The following ERICH6 variants were observed in gnomAD, a reference collection of about 807,000 sequenced individuals.
ERICH6 encodes the protein glutamate rich 6.
ERICH6 carries 71 observed loss-of-function variants against 71.0 expected under a neutral mutation model. The observed-to-expected ratio is 1.00, with a 90% CI of 0.83 to 1.22. The LOEUF is 1.22. Ranked by LOEUF, ERICH6 falls within the 50% of genes most tolerant of loss-of-function variation. The probability of loss-of-function intolerance (pLI) is 0.00; values close to 1 mark genes in which losing one functional copy is unlikely to be tolerated. For synonymous variants in ERICH6, 262 were observed against 278.4 expected, an observed-to-expected ratio of 0.94 and a Z score of 0.59; for missense variants, 808 against 797.2, an observed-to-expected ratio of 1.01 and a Z score of -0.16.
intron 11 of ERICH6, among the ~76,000 whole-genome samples, chr3:150,670,932 G>A (rs1453915309): frequency 3.3e-5 from 5 of 152,118 alleles, no homozygotes; most frequent in African/African-American, 9.7e-5. Flanking sequence ...TAAAGTCAGG[G>A]CATGAAATGA....
intron 3 of ERICH6, among the ~76,000 whole-genome samples, chr3:150,694,173 A>T (rs1301280724): frequency 6.6e-6 from 1 of 152,184 alleles, no homozygotes; most frequent in Non-Finnish European, 1.5e-5. Context: ...CATTTTAGCC[A>T]TGAAAGATCA....
chr3:150,678,424 C>G lies in ERICH6; in HGVS notation c.1242G>C (p.Arg414=), dbSNP rs774827535. The G allele has an allele frequency of 1.9e-6, 3 of 1,575,028 alleles. No individual in the cohort carries two copies. The highest frequency in any genetic ancestry group is 2.6e-6 in the Non-Finnish European group (3 of 1,167,792). Residue 414 remains arginine (R), a synonymous_variant, in exon 10 of 14, where the codon CGG becomes CGC. Coordinates refer to ENST00000295910, the MANE Select transcript of ERICH6 (RefSeq NM_152394.5). ...SNMSIICCDS[R]IACGKVVRNE... ...AGTTCATTACCTTTCCACATGCTAT[C>G]CGAGAATCACAACAAATGATAGACA...
At chr3:150,677,684 A>C (rs1048282845) in intron 10 of ERICH6, among the ~76,000 whole-genome samples, 4 of 151,952 alleles carry the variant, frequency 2.6e-5, no homozygotes, top group Non-Finnish European at 1.5e-5. Context: ...TTTTGTAGAG[A>C]TGGGGTTTTG....
chr3:150,669,273 G>A (rs768165507), intron 12 of ERICH6, 23 bp downstream of exon 12: 193 of 1,554,962 alleles, frequency 1.2e-4, no homozygotes, highest in Non-Finnish European at 1.5e-4. Flanking sequence ...CAAAATGGCA[G>A]CAGCAGGAAC....
chr3:150,679,035 C>CAA (rs1160094551), intron 9 of ERICH6, among the ~76,000 whole-genome samples: 7,102 of 63,804 alleles, frequency 0.11, 539 homozygotes, highest in African/African-American at 0.18. Context: ...GACTCTGTCT[C>CAA]AAAAAAAAAA....
chr3:150,680,543 A>G lies in ERICH6; in HGVS notation c.1041-5T>C. ...GCCATTCGTTGCTCCTGTTTCCTAC[A>G]AAATCAGAAAACATCAGGCATAAAT... is the stretch of plus-strand genomic sequence containing the variant. On this transcript the variant is annotated splice_region_variant and splice_polypyrimidine_tract_variant and intron_variant, in intron 8 of 13. Transcript: ENST00000295910. The G allele has an allele frequency of 1.2e-6, 2 of 1,614,164 alleles. No individual in the cohort carries two copies. The highest frequency in any genetic ancestry group is 1.7e-6 in the Non-Finnish European group (2 of 1,179,998).
intron 9 of ERICH6, 29 bp downstream of exon 9, chr3:150,680,439 G>A: frequency 6.3e-7 from 1 of 1,591,856 alleles, no homozygotes; most frequent in Non-Finnish European, 8.6e-7. Context: ...TGTACAGCTG[G>A]TCTATAAGAT....
chr3:150,668,531 A>G (rs1299613116), intron 12 of ERICH6, among the ~76,000 whole-genome samples: 1 of 152,192 alleles, frequency 6.6e-6, no homozygotes, highest in Non-Finnish European at 1.5e-5. Flanking sequence ...ACATGGTGGT[A>G]ATGAATTGAC....
rs755682421 is a variant in ERICH6, at chr3:150,673,971, C to A, written c.1328G>T (p.Gly443Val). 2 of 1,613,818 alleles carry A rather than the reference C, an allele frequency of 1.2e-6. No individual in the cohort carries two copies. Among genetic ancestry groups the A allele is most frequent in the South Asian group, 1.1e-5 (1 of 91,068 alleles). Residue 443 changes from glycine (G) to valine (V), a missense_variant, in exon 11 of 14, where the codon GGG becomes GTG. Coordinates refer to ENST00000295910, the MANE Select transcript of ERICH6 (RefSeq NM_152394.5). ...GSKFLTSFPD[G>V]TTQIFYPSGN... ...AAGAGGATACAATATTTGTGTTGTC[C>A]CATCTGGAAATGAAGTCAGAAACTT...
rs1402796586 is a variant in ERICH6, at chr3:150,673,831, T to C, written c.1343+125A>G. On this transcript the variant is annotated intron_variant, in intron 11 of 13. Transcript: ENST00000295910. ...TCTGAGCTCAAGTGATCTGCCCACC[T>C]CAGCCTCCCAAAGTGCTGGCATTAC... is the stretch of plus-strand genomic sequence containing the variant. 7 of 799,338 alleles carry C rather than the reference T, an allele frequency of 8.8e-6. No individual in the cohort carries two copies. The South Asian group carries it at 1.0e-4, about 12-fold the overall frequency. 49.5% of individuals were successfully genotyped at this position (799,338 alleles called of 1,614,324 possible). A position where few individuals can be genotyped will look rare whatever the true frequency, so the allele number is the denominator to read the frequency against.
In ERICH6 at chr3:150,660,163, G is replaced by C. The variant is rs759035786; in HGVS notation, c.1729-8C>G. ...CTCCTCAGGGTTTGGTAGCTTTTCA[G>C]CAAAGAGAAAGAGAAGGAAACTCAG... is the stretch of plus-strand genomic sequence containing the variant. On this transcript the variant is annotated splice_polypyrimidine_tract_variant and splice_region_variant and intron_variant, in intron 13 of 13. Coordinates refer to ENST00000295910, the MANE Select transcript of ERICH6 (RefSeq NM_152394.5). 2 of 1,607,732 alleles carry C rather than the reference G, an allele frequency of 1.2e-6. No individual in the cohort carries two copies. Among genetic ancestry groups the C allele is most frequent in the African/African-American group, 1.3e-5 (1 of 74,510 alleles).
chr3:150,692,768 A>C (rs1265738977), intron 3 of ERICH6, among the ~76,000 whole-genome samples: 1 of 152,162 alleles, frequency 6.6e-6, no homozygotes, highest in Non-Finnish European at 1.5e-5. Context: ...TGGCTGCCCT[A>C]AAACTTTTTG....
At chr3:150,686,905 T>A (rs1190159712) in intron 3 of ERICH6, among the ~76,000 whole-genome samples, 1 of 152,220 alleles carries the variant, frequency 6.6e-6, no homozygotes, top group Non-Finnish European at 1.5e-5. Context: ...GTGCAGTGGC[T>A]CACACCTGTA....
chr3:150,693,587 C>T (rs1712535054), intron 3 of ERICH6, among the ~76,000 whole-genome samples: 1 of 152,038 alleles, frequency 6.6e-6, no homozygotes, highest in Non-Finnish European at 1.5e-5. Flanking sequence ...AACAAAATTC[C>T]ATCAAAGCCA....
intron 10 of ERICH6, among the ~76,000 whole-genome samples, chr3:150,675,481 T>C (rs915384908): frequency 1.3e-5 from 2 of 152,120 alleles, no homozygotes; most frequent in Non-Finnish European, 2.9e-5. Flanking sequence ...CCTGAGTAGC[T>C]GGGATTACAG....
intron 7 of ERICH6, among the ~76,000 whole-genome samples, chr3:150,681,549 T>C (rs1385473890): frequency 6.6e-6 from 1 of 152,234 alleles, no homozygotes; most frequent in East Asian, 1.9e-4. Context: ...GCCATTTTCT[T>C]GGGTATAAAC....
Position 150,666,855 on chromosome 3 carries a change from C to T in ERICH6, c.1660G>A (p.Asp554Asn). The T allele has an allele frequency of 6.2e-7, 1 of 1,614,122 alleles. No individual in the cohort carries two copies. The highest frequency in any genetic ancestry group is 8.5e-7 in the Non-Finnish European group (1 of 1,180,022). ...GCTAGAAAAGTTATAGAAATCTTGT[C>T]TTGTTCTAAGATGCGGACTCCAATA... Reference protein sequence around the residue: ...RYIGVRILEQDKISITFLAMG... With the variant: ...RYIGVRILEQNKISITFLAMG... Residue 554 changes from aspartate to asparagine, a missense_variant, in exon 13 of 14, where the codon GAC becomes AAC. Physicochemically the swap from Asp to Asn is conservative, Grantham distance 23 (BLOSUM62 1). Transcript: ENST00000295910.
intron 2 of ERICH6, among the ~76,000 whole-genome samples, chr3:150,699,304 C>T (rs1379167217): frequency 5.9e-5 from 9 of 152,160 alleles, no homozygotes; most frequent in African/African-American, 2.2e-4. Flanking sequence ...GAGCAAGGCT[C>T]TATCTCAAAA....
intron 6 of ERICH6, among the ~76,000 whole-genome samples, chr3:150,685,014 A>T (rs7640265): frequency 0.85 from 128,573 of 151,622 alleles, 54,560 homozygotes; most frequent in East Asian, 0.94. Flanking sequence ...CAAAAAAAAA[A>T]AATAATAATA....
Sources: gnomAD v4.1 joint callset for allele counts (sites outside exome capture counted in the v4.1 genomes callset) on GRCh38, gnomAD v4.1.1 for gene constraint, MANE v1.5 for transcripts, NCBI Gene and HGNC (gene_info 2026-07-23, HGNC 2026-07-21) for gene names.